The following MIGA1 variants were observed in gnomAD, a reference collection of about 807,000 sequenced individuals.
MIGA1 encodes mitoguardin 1.
MIGA1 carries 58 observed loss-of-function variants against 82.0 expected under a neutral mutation model. That is an observed-to-expected ratio of 0.71 (90% CI 0.57 to 0.88). MIGA1 has a LOEUF of 0.88. Ranked by LOEUF, MIGA1 falls within the 40% of genes least tolerant of loss-of-function variation. The pLI, the probability that MIGA1 is intolerant of heterozygous loss-of-function variation, is 0.00. For synonymous variants in MIGA1, 249 were observed against 253.6 expected (o/e 0.98, Z 0.17); for missense variants, 751 against 749.1 (o/e 1.00, Z -0.03).
intron 8 of MIGA1, chr1:77,848,680 G>A (rs1557927009): frequency 2.5e-6 from 4 of 1,577,646 alleles, no homozygotes; most frequent in Non-Finnish European, 3.5e-6. Context: ...ACCACCTGAG[G>A]CAGTGAGCAA....
Position 77,815,784 on chromosome 1 carries a change from C to T in MIGA1, c.895+553C>T, listed in dbSNP as rs148820486. Among the ~76,000 whole-genome samples the T allele has an allele frequency of 6.4e-3, 975 of 152,090 alleles. 10 individuals carry two copies. Among genetic ancestry groups the T allele is most frequent in the African/African-American group, 0.022 (920 of 41,462 alleles). ...GATATCTGTTGCCCAGGTGGGAGTGCAGTGACACGATCACAGCTCACTGCA... is the reference window on the plus strand; with the variant it reads ...GATATCTGTTGCCCAGGTGGGAGTGTAGTGACACGATCACAGCTCACTGCA... On this transcript the variant is annotated intron_variant, in intron 7 of 15. Coordinates refer to ENST00000370791, the MANE Select transcript of MIGA1 (RefSeq NM_198549.4).
At chr1:77,838,537 T>A (rs1259527864) in intron 7 of MIGA1, among the ~76,000 whole-genome samples, 1 of 152,108 alleles carries the variant, frequency 6.6e-6, no homozygotes, top group Admixed American at 6.5e-5. Context: ...AGCCTCCACC[T>A]CCTGGGTTCA....
At chr1:77,802,903 A>G (rs913818159) in intron 3 of MIGA1, among the ~76,000 whole-genome samples, 11 of 152,190 alleles carry the variant, frequency 7.2e-5, no homozygotes, top group Admixed American at 3.3e-4. Flanking sequence ...TTTAGATGTA[A>G]TTCAGAAAAG....
chr1:77,834,235 G>A (rs1220233638), intron 7 of MIGA1, among the ~76,000 whole-genome samples: 1 of 152,044 alleles, frequency 6.6e-6, no homozygotes, highest in African/African-American at 2.4e-5. Context: ...GAGCGCAGTG[G>A]CGTGATCCTA....
chr1:77,815,334 T>TAA, intron 7 of MIGA1, 103 bp downstream of exon 7: 1 of 889,856 alleles, frequency 1.1e-6, no homozygotes, highest in Non-Finnish European at 1.5e-6. Context: ...ATAGGTTACT[T>TAA]AAAAAAAAAT....
At position 77,847,668 on chromosome 1, in the gene MIGA1, G is replaced by T; in HGVS notation, c.996+4261G>T. 4 of 1,570,106 alleles carry T rather than the reference G, an allele frequency of 2.5e-6. No homozygotes were observed. In the South Asian group the frequency reaches 3.4e-5, roughly 13 times the overall value. On this transcript the variant is annotated intron_variant, in intron 8 of 15. Coordinates refer to ENST00000370791, the MANE Select transcript of MIGA1 (RefSeq NM_198549.4). Reference sequence around the variant, plus strand: ...GTGTTTGGATGTAACCAAGCAGAAAGATCTCAGTGGATTTTATAGACACTT... The same window carrying T: ...GTGTTTGGATGTAACCAAGCAGAAATATCTCAGTGGATTTTATAGACACTT...
At chr1:77,823,371 C>T (rs1006419649) in intron 7 of MIGA1, among the ~76,000 whole-genome samples, 2 of 152,136 alleles carry the variant, frequency 1.3e-5, no homozygotes, top group African/African-American at 2.4e-5. Context: ...CAGCTCTATA[C>T]ATTTAAAACT....
At chr1:77,815,300 C>T (rs1683529533) in intron 7 of MIGA1, 69 bp downstream of exon 7, 3 of 1,271,086 alleles carry the variant, frequency 2.4e-6, no homozygotes, top group Admixed American at 2.6e-5. Flanking sequence ...GAATCATCTG[C>T]ATAAGTGTCT....
chr1:77,800,617 G>A (rs1570933708), intron 2 of MIGA1, among the ~76,000 whole-genome samples: 1 of 152,126 alleles, frequency 6.6e-6, no homozygotes, highest in Admixed American at 6.6e-5. Context: ...TCTGATGTTA[G>A]TACTTATATA....
At chr1:77,834,807 C>G (rs1684368313) in intron 7 of MIGA1, among the ~76,000 whole-genome samples, 1 of 152,168 alleles carries the variant, frequency 6.6e-6, no homozygotes, top group South Asian at 2.1e-4. Context: ...TTGTCGACAG[C>G]AGAAGCTTTT....
At chr1:77,847,372 A>G in intron 8 of MIGA1, 2 of 1,054,100 alleles carry the variant, frequency 1.9e-6, no homozygotes. Context: ...AAGGAGGAAA[A>G]CAATACTAAA....
At chr1:77,816,509 G>T (rs1683578271) in intron 7 of MIGA1, among the ~76,000 whole-genome samples, 2 of 152,142 alleles carry the variant, frequency 1.3e-5, no homozygotes, top group Non-Finnish European at 2.9e-5. Flanking sequence ...TTAGGTAAAA[G>T]ATTTTGTTTG....
At chr1:77,868,691 C>G (rs1182281236) in intron 14 of MIGA1, 1 of 152,190 alleles carries the variant, frequency 6.6e-6, no homozygotes, top group Non-Finnish European at 1.5e-5. Flanking sequence ...TCAGCCCACA[C>G]TAAGTTCCCA....
intron 2 of MIGA1, among the ~76,000 whole-genome samples, chr1:77,800,479 T>C (rs1011240117): frequency 6.6e-6 from 1 of 152,258 alleles, no homozygotes; most frequent in Non-Finnish European, 1.5e-5. Context: ...TATTTTGTTG[T>C]TGGAGGGTTG....
chr1:77,833,053 C>T (rs1684302914), intron 7 of MIGA1, among the ~76,000 whole-genome samples: 1 of 152,102 alleles, frequency 6.6e-6, no homozygotes, highest in Admixed American at 6.6e-5. Flanking sequence ...GGTAAGCAGC[C>T]AGATAGAACA....
intron 2 of MIGA1, among the ~76,000 whole-genome samples, chr1:77,796,000 C>G (rs192779236): frequency 1.9e-3 from 282 of 152,158 alleles, no homozygotes; most frequent in African/African-American, 6.6e-3. Context: ...CAGTGAGACA[C>G]CTGGCTCTCA....
intron 10 of MIGA1, chr1:77,859,624 T>G (rs1685390408): frequency 2.1e-6 from 1 of 475,908 alleles, no homozygotes; most frequent in Admixed American, 3.4e-5. Context: ...AACAGGATAT[T>G]TTGATACTTC....
chr1:77,839,410 A>C (rs1232845404), intron 7 of MIGA1, among the ~76,000 whole-genome samples: 1 of 151,578 alleles, frequency 6.6e-6, no homozygotes, highest in East Asian at 1.9e-4. Flanking sequence ...TCATTCTGTC[A>C]CCCAGGATGG....
intron 4 of MIGA1, 108 bp from the exon 5 acceptor site, chr1:77,806,867 A>C (rs1039784058): frequency 2.2e-5 from 16 of 739,694 alleles, no homozygotes; most frequent in Non-Finnish European, 3.2e-5. Flanking sequence ...AATTACATGG[A>C]TTGTCTTACC....
Sources: allele counts gnomAD v4.1 joint callset (sites outside exome capture counted in the v4.1 genomes callset), GRCh38; gene constraint gnomAD v4.1.1; transcripts MANE v1.5; gene names NCBI Gene and HGNC (gene_info 2026-07-23, HGNC 2026-07-21).